The following PDK1 variants were observed in gnomAD, a reference collection of about 807,000 sequenced individuals.
PDK1 encodes [Pyruvate dehydrogenase (acetyl-transferring)] kinase isozyme 1, mitochondrial.
Under a neutral mutation model 54.2 loss-of-function variants are expected in PDK1, and 39 were observed. That is an observed-to-expected ratio of 0.72 (90% CI 0.56 to 0.94). The LOEUF is 0.94. Ranked by LOEUF, PDK1 falls within the 40% of genes least tolerant of loss-of-function variation. PDK1 has a pLI of 0.00. For synonymous variants in PDK1, 221 were observed against 207.1 expected, an observed-to-expected ratio of 1.07 and a Z score of -0.58; for missense variants, 552 against 566.0, an observed-to-expected ratio of 0.98 and a Z score of 0.25.
chr2:172,594,037 C>CTT (rs35036603), intron 10 of PDK1, among the ~76,000 whole-genome samples: 3,573 of 134,748 alleles, frequency 0.027, 143 homozygotes, highest in African/African-American at 0.074. Context: ...CAATGTTTTT[C>CTT]TTTTTTTTTT....
At chr2:172,609,791 T>G (rs541044003), downstream of PDK1, among the ~76,000 whole-genome samples, 1 of 152,338 alleles carries the variant, frequency 6.6e-6, no homozygotes, top group African/African-American at 2.4e-5. Context: ...CTGTAATTGT[T>G]GACAACTACA....
the PDK1 span, among the ~76,000 whole-genome samples, chr2:172,678,365 TG>T: frequency 6.6e-6 from 1 of 151,814 alleles, no homozygotes. Flanking sequence ...TTATTTTAAA[TG>T]TAGAGGTAAA....
At chr2:172,622,340 C>T in the PDK1 span, among the ~76,000 whole-genome samples, 8 of 130,246 alleles carry the variant, frequency 6.1e-5, no homozygotes, top group Non-Finnish European at 3.2e-5. Flanking sequence ...GTTTATATCT[C>T]ATATATTGTG....
the PDK1 span, among the ~76,000 whole-genome samples, chr2:172,703,766 C>CTTTTTTTTTTTTTTTTTTTTTT: frequency 5.1e-4 from 45 of 89,108 alleles, 1 homozygote; most frequent in African/African-American, 1.6e-3. Context: ...TTCTTTCTTT[C>CTTTTTTTTTTTTTTTTTTTTTT]TTTTTTTTTT....
At chr2:172,708,380 G>T in the PDK1 span, among the ~76,000 whole-genome samples, 1 of 152,108 alleles carries the variant, frequency 6.6e-6, no homozygotes, top group African/African-American at 2.4e-5. Context: ...GGTTTTTGTT[G>T]ATATTTAAAT....
chr2:172,667,532 C>G, the PDK1 span, among the ~76,000 whole-genome samples: 4 of 152,144 alleles, frequency 2.6e-5, no homozygotes, highest in Admixed American at 6.5e-5. Flanking sequence ...AATTAGCTAA[C>G]CCTGGGAAGG....
At chr2:172,717,652 C>G in the PDK1 span, among the ~76,000 whole-genome samples, 1 of 152,168 alleles carries the variant, frequency 6.6e-6, no homozygotes, top group Non-Finnish European at 1.5e-5. Context: ...TCAAGCGATT[C>G]TCCTGCCTCA....
chr2:172,649,866 T>C, the PDK1 span, among the ~76,000 whole-genome samples: 18 of 152,252 alleles, frequency 1.2e-4, no homozygotes, highest in African/African-American at 3.4e-4. Context: ...GTCCGATTGG[T>C]GTACCTGAAA....
chr2:172,674,356 C>A, the PDK1 span: 3 of 152,386 alleles, frequency 2.0e-5, no homozygotes, highest in African/African-American at 7.2e-5. Flanking sequence ...CTCGGGACTG[C>A]TCTCTGCGAA....
intron 3 of PDK1, among the ~76,000 whole-genome samples, chr2:172,563,034 C>T (rs182858155): frequency 6.2e-4 from 95 of 152,244 alleles, no homozygotes; most frequent in Non-Finnish European, 7.8e-4. Flanking sequence ...TTACTCCTTG[C>T]TTAGGTATTG....
rs768797298 is a variant in PDK1 at position 172,604,965 on chromosome 2, T to A, written c.*8996T>A. 18 of 152,218 alleles carry A rather than the reference T, an allele frequency of 1.2e-4. No homozygotes were observed. Among genetic ancestry groups the A allele is most frequent in the Non-Finnish European group, 1.9e-4 (13 of 68,046 alleles). The allele number at this position is 152,218 out of a possible 1,614,324, so 9.4% of individuals were successfully genotyped here. On this transcript the variant is annotated 3_prime_UTR_variant, in exon 11 of 11. Transcript: ENST00000282077. ...CAGTAAATGGCTTATTAAGCAAGTA[T>A]AAGATTCAAGATCTCAGCCCCAAAG...
chr2:172,710,831 G>C, the PDK1 span, among the ~76,000 whole-genome samples: 4,751 of 152,274 alleles, frequency 0.031, 115 homozygotes, highest in South Asian at 0.12. Context: ...CAAAAGCAAG[G>C]ATGCTCTAAT....
At chr2:172,674,489 C>T in the PDK1 span, 1 of 152,526 alleles carries the variant, frequency 6.6e-6, no homozygotes, top group Non-Finnish European at 1.5e-5. Context: ...CTTAAATGTA[C>T]TGGGAGTCTG....
intron 9 of PDK1, among the ~76,000 whole-genome samples, chr2:172,589,488 A>T (rs759738329): frequency 6.6e-6 from 1 of 152,190 alleles, no homozygotes; most frequent in Non-Finnish European, 1.5e-5. Flanking sequence ...CAGGGAAGGA[A>T]CCAGGGGAGT....
At chr2:172,593,096 A>G (rs1166540733) in intron 10 of PDK1, 48 bp downstream of exon 10, 1 of 944,570 alleles carries the variant, frequency 1.1e-6, no homozygotes, top group Non-Finnish European at 1.7e-6. Context: ...GATGATAAGA[A>G]CAGATGTCCA....
chr2:172,622,627 CATT>C, the PDK1 span, among the ~76,000 whole-genome samples: 37 of 139,860 alleles, frequency 2.6e-4, no homozygotes, highest in Admixed American at 7.3e-4. Flanking sequence ...ATGTTTATCT[CATT>C]ATGTGAGATA....
rs539082348 is a variant in PDK1 at position 172,596,058 on chromosome 2, T to C, written c.*89T>C. 2.1e-5 allele frequency: 23 copies of C among 1,097,680 alleles called. 1 individual carries two copies. In the South Asian group the frequency reaches 4.3e-4, roughly 21 times the overall value. The allele number at this position is 1,097,680 out of a possible 1,614,324, so 68.0% of individuals were successfully genotyped here. On this transcript the variant is annotated 3_prime_UTR_variant, in exon 11 of 11. Transcript: ENST00000282077. ...TCAGAACTATATTATACCAAGTACTTTATTTATCGTTTTCACAAAACTATT... is the reference window on the plus strand; with the variant it reads ...TCAGAACTATATTATACCAAGTACTCTATTTATCGTTTTCACAAAACTATT...
chr2:172,557,610 C>CATGTGT (rs137961827), intron 1 of PDK1, among the ~76,000 whole-genome samples: 122 of 142,016 alleles, frequency 8.6e-4, no homozygotes, highest in Non-Finnish European at 7.5e-4. Flanking sequence ...TCTTTTTTCC[C>CATGTGT]GTGTGTGTGT....
intron 2 of PDK1, among the ~76,000 whole-genome samples, chr2:172,559,227 G>T (rs1054178524): frequency 6.6e-6 from 1 of 152,078 alleles, no homozygotes; most frequent in Non-Finnish European, 1.5e-5. Flanking sequence ...GATTACAGAC[G>T]TGAGCCACCG....
Sources: gnomAD v4.1 joint callset for allele counts (sites outside exome capture counted in the v4.1 genomes callset) on GRCh38, gnomAD v4.1.1 for gene constraint, MANE v1.5 for transcripts, NCBI Gene and HGNC (gene_info 2026-07-23, HGNC 2026-07-21) for gene names.